Variants in DAB1 observed in about 807,000 individuals in gnomAD.
The protein encoded by DAB1 is DAB adaptor protein 1.
In DAB1, 15 loss-of-function variants were observed where a neutral mutation model predicts 64.6. The observed-to-expected ratio is 0.23, with a 90% confidence interval of 0.16 to 0.36. The LOEUF (loss-of-function observed/expected upper bound fraction) is 0.36. DAB1 is among the 10% of genes least tolerant of loss of function. DAB1 has a pLI of 1.00. For missense variants in DAB1, 596 were observed against 706.7 expected (o/e 0.84, Z 1.78); for synonymous variants, 235 against 251.9 (o/e 0.93, Z 0.64).
chr1:57,501,976 T>C (rs1644293756), intron 7 of DAB1, among the ~76,000 whole-genome samples: 1 of 152,046 alleles, frequency 6.6e-6, no homozygotes, highest in Non-Finnish European at 1.5e-5. Context: ...TAACTTCCTA[T>C]CCTCACTGTT....
At chr1:57,034,940 A>G (rs1647091385) in intron 9 of DAB1, among the ~76,000 whole-genome samples, 1 of 152,208 alleles carries the variant, frequency 6.6e-6, no homozygotes, top group Non-Finnish European at 1.5e-5. Context: ...GAGTGGAAGA[A>G]TCAATGTGCC....
At chr1:57,378,302 G>A (rs77078256) in intron 1 of DAB1, among the ~76,000 whole-genome samples, 2,174 of 152,310 alleles carry the variant, frequency 0.014, 22 homozygotes, top group Non-Finnish European at 0.021. Context: ...CCCAAGGCTA[G>A]TTTAGCATTA....
At chr1:58,303,336 G>GT (rs151206477) in intron 4 of DAB1, among the ~76,000 whole-genome samples, 3,390 of 152,120 alleles carry the variant, frequency 0.022, 192 homozygotes, top group East Asian at 0.21. Flanking sequence ...ACCCCACTTG[G>GT]TTTTTCAGTA....
intron 6 of DAB1, among the ~76,000 whole-genome samples, chr1:57,706,899 C>A (rs1646973301): frequency 1.3e-5 from 2 of 151,926 alleles, no homozygotes; most frequent in African/African-American, 4.8e-5. Flanking sequence ...ATGGTGAAAC[C>A]CCATCTCTAC....
At chr1:57,491,459 TA>T (rs1254668624) in intron 7 of DAB1, among the ~76,000 whole-genome samples, 7 of 151,708 alleles carry the variant, frequency 4.6e-5, no homozygotes, top group South Asian at 2.1e-4. Context: ...TAGATTAAAT[TA>T]AAAAAAGGAT....
At chr1:57,284,048 C>T (rs1472403584) in intron 2 of DAB1, among the ~76,000 whole-genome samples, 1 of 152,138 alleles carries the variant, frequency 6.6e-6, no homozygotes, top group Non-Finnish European at 1.5e-5. Flanking sequence ...TAAAAATGTA[C>T]TTGCTTTTAG....
intron 4 of DAB1, among the ~76,000 whole-genome samples, chr1:58,230,581 A>AT (rs1659730199): frequency 3.3e-5 from 5 of 152,188 alleles, no homozygotes; most frequent in Admixed American, 2.6e-4. Context: ...ACAAAGGGGC[A>AT]CCCTCTTACA....
In DAB1 at chr1:58,488,184, T is replaced by C. The variant is rs550997472; in HGVS notation, n.257+17876A>G. Among the ~76,000 whole-genome samples the C allele has an allele frequency of 4.6e-5, 7 of 152,286 alleles. No individual in the cohort carries two copies. The South Asian group carries it at 1.4e-3, about 32-fold the overall frequency. On this transcript the variant is annotated intron_variant and non_coding_transcript_variant, in intron 3 of 20. Transcript: ENST00000485760. ...TATAAAGTTCATTGATTACAAGCCA[T>C]CCTCTTATTGTTTATAGATTTCTCT...
chr1:57,092,542 T>C (rs1051521924), intron 4 of DAB1, among the ~76,000 whole-genome samples: 5 of 152,070 alleles, frequency 3.3e-5, no homozygotes, highest in African/African-American at 1.2e-4. Flanking sequence ...TTCTTAGCCT[T>C]CTACCACAAT....
intron 1 of DAB1, among the ~76,000 whole-genome samples, chr1:57,398,221 T>C (rs269055): frequency 6.6e-6 from 1 of 152,182 alleles, no homozygotes; most frequent in Non-Finnish European, 1.5e-5. Context: ...ACTGTCAGTG[T>C]GCTTGGGACA....
intron 7 of DAB1, among the ~76,000 whole-genome samples, chr1:57,565,389 C>T (rs1172098316): frequency 6.6e-6 from 1 of 152,168 alleles, no homozygotes; most frequent in Admixed American, 6.5e-5. Flanking sequence ...AACCAGCTAA[C>T]ATCATAACGA....
intron 2 of DAB1, among the ~76,000 whole-genome samples, chr1:57,254,806 G>A (rs1417147649): frequency 6.6e-6 from 1 of 151,770 alleles, no homozygotes; most frequent in Non-Finnish European, 1.5e-5. Context: ...TTTAATATTT[G>A]GGATATTTCC....
chr1:57,035,692 A>G (rs1004230849), intron 9 of DAB1, among the ~76,000 whole-genome samples: 3 of 152,148 alleles, frequency 2.0e-5, no homozygotes, highest in Non-Finnish European at 4.4e-5. Context: ...GGGTAATGAC[A>G]TCATGGCAAG....
chr1:58,022,892 A>G (rs996809692), intron 5 of DAB1, among the ~76,000 whole-genome samples: 7 of 152,152 alleles, frequency 4.6e-5, no homozygotes, highest in Non-Finnish European at 5.9e-5. Flanking sequence ...ATAGCCTATG[A>G]GTTTGCTGGG....
chr1:57,970,846 T>A (rs1327539256), intron 5 of DAB1, among the ~76,000 whole-genome samples: 1 of 152,072 alleles, frequency 6.6e-6, no homozygotes, highest in African/African-American at 2.4e-5. Context: ...TCCAGAGCCT[T>A]CCAAGAAACC....
intron 1 of DAB1, among the ~76,000 whole-genome samples, chr1:57,362,891 T>C (rs1042495792): frequency 6.6e-6 from 1 of 152,216 alleles, no homozygotes. Flanking sequence ...CTTCCGTCAC[T>C]ATCTTTGAAT....
intron 4 of DAB1, among the ~76,000 whole-genome samples, chr1:58,224,483 C>A (rs1659352220): frequency 6.6e-6 from 1 of 152,142 alleles, no homozygotes; most frequent in Admixed American, 6.5e-5. Flanking sequence ...TATTGAGCAT[C>A]TTCTGAGTAG....
chr1:57,604,552 G>A (rs947466587), intron 7 of DAB1, among the ~76,000 whole-genome samples: 6 of 152,108 alleles, frequency 3.9e-5, no homozygotes, highest in Non-Finnish European at 7.4e-5. Context: ...ATACTTCTCC[G>A]ATGTACTTTT....
intron 3 of DAB1, among the ~76,000 whole-genome samples, chr1:58,418,209 G>T (rs1003401938): frequency 6.6e-6 from 1 of 152,148 alleles, no homozygotes; most frequent in African/African-American, 2.4e-5. Flanking sequence ...CATGTTCAAA[G>T]AAAGCCCTTT....
Sources: gnomAD v4.1 joint callset for allele counts (sites outside exome capture counted in the v4.1 genomes callset) on GRCh38, gnomAD v4.1.1 for gene constraint, MANE v1.5 for transcripts, NCBI Gene and HGNC (gene_info 2026-07-23, HGNC 2026-07-21) for gene names.